The following GRID2 variants were observed in gnomAD, a reference collection of about 807,000 sequenced individuals.
GRID2 encodes glutamate receptor ionotropic, delta-2.
A neutral mutation model predicts 114.8 loss-of-function variants in GRID2; 33 were observed. The observed-to-expected ratio is 0.29, with a 90% CI of 0.22 to 0.38. The LOEUF (loss-of-function observed/expected upper bound fraction) is 0.38. Among genes scored for constraint, GRID2 ranks in the 10% least tolerant of loss-of-function variants. The pLI, the probability that GRID2 is intolerant of heterozygous loss-of-function variation, is 1.00. For missense variants in GRID2, 1,184 were observed against 1,257.7 expected, an observed-to-expected ratio of 0.94 and a Z score of 0.89; for synonymous variants, 505 against 449.9, an observed-to-expected ratio of 1.12 and a Z score of -1.55.
intron 3 of GRID2, among the ~76,000 whole-genome samples, chr4:93,100,350 T>G (rs1731592211): frequency 6.6e-6 from 1 of 151,934 alleles, no homozygotes; most frequent in Non-Finnish European, 1.5e-5. Context: ...TAATTATCTT[T>G]ATTTTTTAAA....
chr4:92,908,132 C>A (rs17019994), intron 2 of GRID2, among the ~76,000 whole-genome samples: 2,669 of 152,224 alleles, frequency 0.018, 30 homozygotes, highest in East Asian at 0.054. Flanking sequence ...TATTCTCATG[C>A]AGATCTTAAT....
intron 2 of GRID2, among the ~76,000 whole-genome samples, chr4:92,916,861 C>T (rs1363998790): frequency 6.6e-6 from 1 of 152,056 alleles, no homozygotes; most frequent in African/African-American, 2.4e-5. Context: ...ATTTATAATC[C>T]TTTGGGTATA....
chr4:92,399,465 A>T (rs1730673156), intron 1 of GRID2, among the ~76,000 whole-genome samples: 1 of 152,192 alleles, frequency 6.6e-6, no homozygotes, highest in Non-Finnish European at 1.5e-5. Context: ...AAAGATGATA[A>T]TTGTAAGGCT....
intron 14 of GRID2, among the ~76,000 whole-genome samples, chr4:93,667,813 A>T (rs1724077428): frequency 6.6e-6 from 1 of 152,000 alleles, no homozygotes; most frequent in Non-Finnish European, 1.5e-5. Flanking sequence ...CCACATAACG[A>T]TTTTTTCTTT....
At chr4:93,727,627 T>C (rs2110213121) in intron 14 of GRID2, among the ~76,000 whole-genome samples, 1 of 152,312 alleles carries the variant, frequency 6.6e-6, no homozygotes, top group East Asian at 1.9e-4. Context: ...GGACTTTTTT[T>C]GGTTGGAAAG....
At chr4:92,670,331 C>T (rs1229379656) in intron 2 of GRID2, among the ~76,000 whole-genome samples, 2 of 151,914 alleles carry the variant, frequency 1.3e-5, no homozygotes, top group African/African-American at 4.8e-5. Flanking sequence ...AAATTTGGAC[C>T]ACAGATTTGT....
chr4:93,388,109 T>G (rs1426627207), intron 8 of GRID2, among the ~76,000 whole-genome samples: 1 of 152,130 alleles, frequency 6.6e-6, no homozygotes, highest in East Asian at 1.9e-4. Context: ...GGAACATGAT[T>G]CTATATTACA....
intron 2 of GRID2, among the ~76,000 whole-genome samples, chr4:92,793,890 A>G (rs924279035): frequency 1.3e-5 from 2 of 151,902 alleles, no homozygotes; most frequent in Admixed American, 6.6e-5. Context: ...GTTCTTGAAG[A>G]CAGCAAAGAA....
intron 2 of GRID2, among the ~76,000 whole-genome samples, chr4:92,635,627 G>A (rs1292578197): frequency 1.3e-5 from 2 of 151,938 alleles, no homozygotes; most frequent in East Asian, 3.9e-4. Flanking sequence ...AAAATACGTT[G>A]AAAACTTTTA....
chr4:93,586,550 A>C (rs539257545), intron 13 of GRID2, among the ~76,000 whole-genome samples: 3 of 152,168 alleles, frequency 2.0e-5, no homozygotes, highest in African/African-American at 4.8e-5. Flanking sequence ...GACACTTGAC[A>C]TACATATATT....
intron 2 of GRID2, among the ~76,000 whole-genome samples, chr4:92,631,488 A>G (rs1730806535): frequency 6.6e-6 from 1 of 152,146 alleles, no homozygotes; most frequent in South Asian, 2.1e-4. Flanking sequence ...TACTTCTCTT[A>G]CAATCACAGG....
chr4:92,778,110 T>C (rs74379884), intron 2 of GRID2, among the ~76,000 whole-genome samples: 6,298 of 152,186 alleles, frequency 0.041, 186 homozygotes, highest in Non-Finnish European at 0.055. Flanking sequence ...CATGCTTATT[T>C]CATCCACAGT....
chr4:93,686,482 A>C (rs68042291), intron 14 of GRID2, among the ~76,000 whole-genome samples: 4,128 of 151,004 alleles, frequency 0.027, 69 homozygotes, highest in African/African-American at 0.037. Context: ...TATAGAAGTA[A>C]ACAGACGAAT....
At chr4:93,611,888 T>A (rs1224891985) in intron 13 of GRID2, among the ~76,000 whole-genome samples, 1 of 151,652 alleles carries the variant, frequency 6.6e-6, no homozygotes, top group Non-Finnish European at 1.5e-5. Context: ...TTCTGTCTCA[T>A]GGATCTGTCT....
rs1742362500 is a variant in GRID2, at chr4:92,835,069, A to T, written c.244+244783A>T. Among the ~76,000 whole-genome samples, 3 of 152,274 alleles carry T rather than the reference A, an allele frequency of 2.0e-5. No homozygotes were observed. In the South Asian group the frequency reaches 6.2e-4, roughly 32 times the overall value. ...ACTTTTCTGAGAACTTATTTTAAAT[A>T]AGTCAAAGAATCACAAAATTTTAAT... On this transcript the variant is annotated intron_variant, in intron 2 of 15. Transcript: ENST00000282020.
At chr4:93,065,313 G>C (rs1255558227) in intron 2 of GRID2, among the ~76,000 whole-genome samples, 1 of 151,766 alleles carries the variant, frequency 6.6e-6, no homozygotes, top group African/African-American at 2.4e-5. Context: ...ATTGACATTG[G>C]TTTCATCACA....
chr4:93,596,023 A>G lies in GRID2; in HGVS notation c.2194-30246A>G, dbSNP rs186994855. ...GAGGTCCCGAGTAGTTAAGTAAATT[A>G]TTTGTTTATTCTACATCTGTGTGGC... On this transcript the variant is annotated intron_variant, in intron 13 of 15. Coordinates refer to ENST00000282020, the MANE Select transcript of GRID2 (RefSeq NM_001510.4). Among the ~76,000 whole-genome samples, 145 of 152,266 alleles carry G rather than the reference A, an allele frequency of 9.5e-4. 1 individual carries two copies. The highest frequency in any genetic ancestry group is 3.4e-3 in the Middle Eastern group (1 of 294).
intron 13 of GRID2, among the ~76,000 whole-genome samples, chr4:93,571,064 G>T (rs545926471): frequency 6.6e-5 from 10 of 152,176 alleles, no homozygotes; most frequent in African/African-American, 2.4e-4. Context: ...TTTTGTCTGG[G>T]ATGTCAAGAT....
At chr4:93,615,701 C>T in intron 13 of GRID2, among the ~76,000 whole-genome samples, 2 of 147,398 alleles carry the variant, frequency 1.4e-5, no homozygotes, top group African/African-American at 2.5e-5. Context: ...GTTGTGGTGA[C>T]TTACTGTTTT....
Sources: gnomAD v4.1 joint callset for allele counts (sites outside exome capture counted in the v4.1 genomes callset) on GRCh38, gnomAD v4.1.1 for gene constraint, MANE v1.5 for transcripts, NCBI Gene and HGNC (gene_info 2026-07-23, HGNC 2026-07-21) for gene names.